TFDP2: variants seen among roughly 807,000 people sequenced by gnomAD.
TFDP2 encodes transcription factor Dp-2 (E2F dimerization partner 2).
In TFDP2, 17 loss-of-function variants were observed where a neutral mutation model predicts 59.3. The observed-to-expected ratio is 0.29, with a 90% CI of 0.20 to 0.43. TFDP2 has a LOEUF of 0.43. TFDP2 is among the 20% of genes least tolerant of loss of function. TFDP2 has a pLI of 1.00. For missense variants in TFDP2, 391 were observed against 528.8 expected (o/e 0.74, Z 2.56); for synonymous variants, 180 against 194.7 (o/e 0.92, Z 0.63).
intron 6 of TFDP2, among the ~76,000 whole-genome samples, chr3:141,990,510 A>C (rs1942646181): frequency 1.3e-5 from 2 of 152,172 alleles, no homozygotes; most frequent in African/African-American, 4.8e-5. Flanking sequence ...CTGAGATTAC[A>C]GGTGTGAGCC....
intron 3 of TFDP2, among the ~76,000 whole-genome samples, chr3:142,071,386 G>C (rs1310910164): frequency 1.3e-5 from 2 of 152,084 alleles, no homozygotes; most frequent in Non-Finnish European, 2.9e-5. Flanking sequence ...TCGAACTCCT[G>C]ACCTCAACTG....
chr3:142,066,572 C>G (rs1327214287), intron 3 of TFDP2, among the ~76,000 whole-genome samples: 1 of 152,044 alleles, frequency 6.6e-6, no homozygotes, highest in African/African-American at 2.4e-5. Flanking sequence ...TATGGGTACT[C>G]GAAAGTATGG....
intron 3 of TFDP2, among the ~76,000 whole-genome samples, chr3:142,067,676 G>C (rs1188513864): frequency 6.6e-6 from 1 of 152,106 alleles, no homozygotes; most frequent in Non-Finnish European, 1.5e-5. Flanking sequence ...CAATAGTAAA[G>C]AAAAGCTGGA....
chr3:141,993,924 G>A (rs933934254), intron 5 of TFDP2, among the ~76,000 whole-genome samples: 3 of 152,192 alleles, frequency 2.0e-5, no homozygotes, highest in African/African-American at 7.2e-5. Flanking sequence ...AAGCACAAAT[G>A]GGGCTGAAAA....
rs777063591 is a variant in TFDP2 at position 141,963,939 on chromosome 3, G to C, written c.757C>G (p.Gln253Glu). 2 of 1,613,446 alleles carry C rather than the reference G, an allele frequency of 1.2e-6. No homozygotes were observed. The highest frequency in any genetic ancestry group is 1.7e-6 in the Non-Finnish European group (2 of 1,179,876). ...LQQIAFKNLV[Q>E]RNRQNEQQNQ... ...TGCTGCTCATTTTGTCGATTTCTCT[G>C]TACCAGGTTTTTGAAAGCGATTTGC... The change falls in exon 10 of 13, where the codon CAG becomes GAG. Residue 253 changes from glutamine (Q) to glutamate (E), a missense_variant. Gln to Glu is a conservative substitution (Grantham distance 29). This residue lies in a region of TFDP2 where 223 missense variants were observed against 292.5 expected (regional missense o/e 0.76). Coordinates refer to ENST00000489671, the MANE Select transcript of TFDP2 (RefSeq NM_001178139.2).
At chr3:142,067,725 G>A (rs1401880316) in intron 3 of TFDP2, among the ~76,000 whole-genome samples, 2 of 152,018 alleles carry the variant, frequency 1.3e-5, no homozygotes, top group African/African-American at 4.8e-5. Flanking sequence ...ACTGTAGGTC[G>A]GGCATGGTAG....
At chr3:142,053,746 T>C (rs185747940) in intron 3 of TFDP2, among the ~76,000 whole-genome samples, 1 of 152,302 alleles carries the variant, frequency 6.6e-6, no homozygotes, top group Admixed American at 6.5e-5. Flanking sequence ...GAGAAAATGT[T>C]TGCAAAATAC....
chr3:142,061,075 T>G (rs1044082924), intron 3 of TFDP2, among the ~76,000 whole-genome samples: 1 of 152,212 alleles, frequency 6.6e-6, no homozygotes, highest in Non-Finnish European at 1.5e-5. Context: ...ACACTAACAC[T>G]TGAGACTTTA....
intron 11 of TFDP2, among the ~76,000 whole-genome samples, chr3:141,954,051 T>C (rs1936252612): frequency 6.6e-6 from 1 of 151,802 alleles, no homozygotes; most frequent in Non-Finnish European, 1.5e-5. Context: ...TCCTAGCTAC[T>C]CGGGAGGCTG....
At position 142,034,291 on chromosome 3, in the gene TFDP2, G is replaced by A. The variant is rs139193644; in HGVS notation, c.83-28747C>T. Among the ~76,000 whole-genome samples, 41 of 151,856 alleles carry A rather than the reference G, an allele frequency of 2.7e-4. No individual in the cohort carries two copies. In the East Asian group the frequency reaches 7.0e-3, roughly 26 times the overall value. On this transcript the variant is annotated intron_variant, in intron 3 of 12. Transcript: ENST00000489671. The stretch of plus-strand genomic sequence containing the variant: ...TTTTTGTATTTTTAGTAGAGACAGC[G>A]TTTCTCCATGTTGGTCAGGCTGGTC...
chr3:142,149,392 C>T lies in TFDP2; in HGVS notation c.-302G>A. ...AACCGTGCGCGCGCCCTCGAGCCTG[C>T]CCAAAGATGAAGGGTCAGGGCGCGC... On this transcript the variant is annotated 5_prime_UTR_variant, in exon 1 of 13. Coordinates refer to ENST00000489671, the MANE Select transcript of TFDP2 (RefSeq NM_001178139.2). The T allele has an allele frequency of 5.2e-6, 2 of 387,566 alleles. No individual in the cohort carries two copies. Among genetic ancestry groups the T allele is most frequent in the Non-Finnish European group, 9.1e-6 (2 of 219,384 alleles). The allele number at this position is 387,566 out of a possible 1,614,324, so 24.0% of individuals were successfully genotyped here. A position where few individuals can be genotyped will look rare whatever the true frequency, so the allele number is the denominator to read the frequency against.
intron 6 of TFDP2, among the ~76,000 whole-genome samples, chr3:141,987,845 A>G (rs576703949): frequency 1.3e-5 from 2 of 151,280 alleles, no homozygotes; most frequent in East Asian, 2.0e-4. Flanking sequence ...AGGCTGAGGC[A>G]GGAGAATCGC....
At chr3:142,148,349 T>C (rs1476263510) in intron 1 of TFDP2, among the ~76,000 whole-genome samples, 1 of 152,154 alleles carries the variant, frequency 6.6e-6, no homozygotes, top group Non-Finnish European at 1.5e-5. Context: ...CCGTTCACTG[T>C]CTCAACACTA....
rs1379902422 is a variant in TFDP2 at position 141,959,582 on chromosome 3, T to TA, written c.1051+91dup. 9.7e-6 allele frequency: 14 copies of TA among 1,449,598 alleles called. No homozygotes were observed. In the Admixed American group the frequency reaches 2.5e-4, roughly 26 times the overall value. The allele number at this position is 1,449,598 out of a possible 1,614,324, so 89.8% of individuals were successfully genotyped here. Reference sequence around the variant, plus strand: ...TTTGTCGACACAAGCACAGATGTTCTAAAATTTTGCAATTTTCTATAAGAA... The same window carrying TA: ...TTTGTCGACACAAGCACAGATGTTCTAAAAATTTTGCAATTTTCTATAAGAA... On this transcript the variant is annotated intron_variant, in intron 11 of 12. Transcript: ENST00000489671.
At chr3:142,066,045 C>A (rs928156647) in intron 3 of TFDP2, among the ~76,000 whole-genome samples, 2 of 152,038 alleles carry the variant, frequency 1.3e-5, no homozygotes, top group Non-Finnish European at 2.9e-5. Flanking sequence ...TTTCCCTTTC[C>A]AACTCCCTTT....
intron 6 of TFDP2, among the ~76,000 whole-genome samples, chr3:141,979,998 T>A (rs1487710523): frequency 6.6e-6 from 1 of 151,298 alleles, no homozygotes; most frequent in Non-Finnish European, 1.5e-5. Context: ...AGCCTAAACC[T>A]CCTGTGCTCA....
At chr3:141,993,496 A>G in intron 6 of TFDP2, 42 bp downstream of exon 6, 1 of 1,373,476 alleles carries the variant, frequency 7.3e-7, no homozygotes, top group Non-Finnish European at 1.0e-6. Context: ...GCCTCTCTAT[A>G]TAGCCAAATC....
chr3:142,077,159 C>T (rs1274235116), intron 3 of TFDP2, among the ~76,000 whole-genome samples: 1 of 152,184 alleles, frequency 6.6e-6, no homozygotes, highest in Non-Finnish European at 1.5e-5. Context: ...CAGAAGGAAT[C>T]GTCCATCCCA....
At chr3:142,080,116 ACCATGC>A (rs1159208420) in intron 3 of TFDP2, among the ~76,000 whole-genome samples, 3 of 152,130 alleles carry the variant, frequency 2.0e-5, no homozygotes, top group South Asian at 4.1e-4. Flanking sequence ...GATGCACGCT[ACCATGC>A]CTGGCTAATT....
Sources: allele counts gnomAD v4.1 joint callset (sites outside exome capture counted in the v4.1 genomes callset), GRCh38; gene constraint gnomAD v4.1.1; regional missense constraint gnomAD v4.1.1; transcripts MANE v1.5; gene names NCBI Gene and HGNC (gene_info 2026-07-23, HGNC 2026-07-21).